The following ATXN1 variants were observed in gnomAD, a reference collection of about 807,000 sequenced individuals.
The protein encoded by ATXN1 is ataxin 1.
ATXN1 carries 8 observed loss-of-function variants against 56.4 expected under a neutral mutation model. That is an observed-to-expected ratio of 0.14 (90% CI 0.08 to 0.26). The LOEUF is 0.26. Ranked by LOEUF, ATXN1 falls within the 10% of genes least tolerant of loss-of-function variation. The pLI, the probability that ATXN1 is intolerant of heterozygous loss-of-function variation, is 1.00. For missense variants in ATXN1, 987 were observed against 1,106.5 expected (o/e 0.89, Z 1.53); for synonymous variants, 514 against 494.6 (o/e 1.04, Z -0.52).
At chr6:16,480,194 G>A (rs911446718) in intron 6 of ATXN1, among the ~76,000 whole-genome samples, 9 of 146,618 alleles carry the variant, frequency 6.1e-5, no homozygotes, top group African/African-American at 2.0e-4. Context: ...AAATGATCCT[G>A]AAGAAAATGG....
intron 4 of ATXN1, among the ~76,000 whole-genome samples, chr6:16,584,243 TACACACACACACACACACACACAC>T (rs368108414): frequency 4.1e-4 from 49 of 118,450 alleles, no homozygotes; most frequent in Middle Eastern, 3.8e-3. Context: ...TATATATATA[TACACACACACACACACACACACAC>T]ACACATATAC....
intron 5 of ATXN1, among the ~76,000 whole-genome samples, chr6:16,499,297 G>A (rs1399017041): frequency 6.6e-6 from 1 of 152,040 alleles, no homozygotes; most frequent in African/African-American, 2.4e-5. Context: ...AGTGATTTTA[G>A]TCTTTTCTCT....
intron 2 of ATXN1, among the ~76,000 whole-genome samples, chr6:16,689,521 C>CTTTTTTTTTTTTTTTTTTTT (rs11374047): frequency 1.1e-4 from 12 of 105,206 alleles, no homozygotes; most frequent in African/African-American, 1.9e-4. Flanking sequence ...TTTTTTTTTT[C>CTTTTTTTTTTTTTTTTTTTT]TTTTTTTTTT....
chr6:16,686,005 C>G lies in ATXN1; in HGVS notation c.-614-28104G>C, dbSNP rs201380517. Among the ~76,000 whole-genome samples the G allele has an allele frequency of 2.0e-5, 3 of 152,216 alleles. No homozygotes were observed. The East Asian group carries it at 5.8e-4, about 29-fold the overall frequency. On this transcript the variant is annotated intron_variant, in intron 2 of 7. Coordinates refer to ENST00000436367, the MANE Select transcript of ATXN1 (RefSeq NM_001128164.2). ...AAATATCTGACATTTAAAACAATAT[C>G]TTAATACCGAATATTCTTAATGAAA...
intron 1 of ATXN1, chr6:16,754,509 C>T (rs1056356809): frequency 3.9e-5 from 6 of 152,110 alleles, no homozygotes; most frequent in Admixed American, 1.3e-4. Context: ...CAACACATCT[C>T]GGTACTCATG....
chr6:16,465,422 A>G (rs1760085167), intron 6 of ATXN1, among the ~76,000 whole-genome samples: 1 of 152,192 alleles, frequency 6.6e-6, no homozygotes, highest in South Asian at 2.1e-4. Context: ...GTGCCACTGC[A>G]CTCCAGCCTG....
intron 3 of ATXN1, among the ~76,000 whole-genome samples, chr6:16,637,301 A>T (rs1245158742): frequency 6.9e-6 from 1 of 144,066 alleles, no homozygotes; most frequent in Non-Finnish European, 1.5e-5. Flanking sequence ...AACAATGAGA[A>T]CACTTGGTCA....
chr6:16,673,015 C>A (rs1434846564), intron 2 of ATXN1, among the ~76,000 whole-genome samples: 80 of 109,800 alleles, frequency 7.3e-4, no homozygotes, highest in African/African-American at 2.8e-3. Context: ...TCCGTTCCCC[C>A]CCGCCAAAAA....
At position 16,347,920 on chromosome 6, in the gene ATXN1, CTT is replaced by C. The variant is rs1237460047; in HGVS notation, c.-160-19452_-160-19451del. Among the ~76,000 whole-genome samples, 3 of 152,174 alleles carry C rather than the reference CTT, an allele frequency of 2.0e-5. 1 individual carries two copies. The highest frequency in any genetic ancestry group is 1.5e-5 in the Non-Finnish European group (1 of 68,028). On this transcript the variant is annotated intron_variant, in intron 6 of 7. Coordinates refer to ENST00000436367, the MANE Select transcript of ATXN1 (RefSeq NM_001128164.2). ...ATAAATCTTGCTGCTGCTGTTCACTCTTTGGATCTATACTGCCTGTATGAGCT... is the reference window on the plus strand; with the variant it reads ...ATAAATCTTGCTGCTGCTGTTCACTCTGGATCTATACTGCCTGTATGAGCT...
Position 16,326,949 on chromosome 6 carries a change from G to A in ATXN1, c.1362C>T (p.Tyr454=), listed in dbSNP as rs775283430. The A allele has an allele frequency of 9.9e-6, 16 of 1,614,158 alleles. No individual in the cohort carries two copies. The highest frequency in any genetic ancestry group is 1.3e-5 in the African/African-American group (1 of 75,056). Reference sequence around the variant, plus strand: ...CGATGACAGGGGGTTGAGTCCCTGCGTAGAAGGCCGTGGCTGGCAGTCCCA... The same window carrying A: ...CGATGACAGGGGGTTGAGTCCCTGCATAGAAGGCCGTGGCTGGCAGTCCCA... The part of the protein sequence containing the change: ...LPVGLPATAF[Y]AGTQPPVIGY... The change falls in exon 7 of 8, where the codon TAC becomes TAT. Residue 454 remains tyrosine, a synonymous_variant. Transcript: ENST00000436367. This position sits in a 1 kb window ranked among gnomAD's most constrained non-coding sequence, Gnocchi z 6.6.
At chr6:16,397,639 T>C (rs1758483348) in intron 6 of ATXN1, among the ~76,000 whole-genome samples, 1 of 152,202 alleles carries the variant, frequency 6.6e-6, no homozygotes, top group Non-Finnish European at 1.5e-5. Context: ...GTAGGAATAG[T>C]CAACTTTCCA....
Position 16,753,319 on chromosome 6 carries a change from C to T in ATXN1, c.-701G>A, listed in dbSNP as rs989749062. On this transcript the variant is annotated 5_prime_UTR_variant, in exon 2 of 8. Coordinates refer to ENST00000436367, the MANE Select transcript of ATXN1 (RefSeq NM_001128164.2). The stretch of plus-strand genomic sequence containing the variant: ...CAAACAAATCTGCAGCTTGAATGGA[C>T]CACCCTGGTGACTTGATGCACGATG... The T allele has an allele frequency of 6.6e-6, 3 of 456,752 alleles. No individual in the cohort carries two copies. Among genetic ancestry groups the T allele is most frequent in the African/African-American group, 6.0e-5 (3 of 50,038 alleles). 28.3% of individuals were successfully genotyped at this position (456,752 alleles called of 1,614,324 possible). A position where few individuals can be genotyped will look rare whatever the true frequency, so the allele number is the denominator to read the frequency against.
At chr6:16,391,106 G>A (rs1758345889) in intron 6 of ATXN1, among the ~76,000 whole-genome samples, 1 of 143,368 alleles carries the variant, frequency 7.0e-6, no homozygotes, top group Admixed American at 7.1e-5. Context: ...AGGTTGCAGT[G>A]AGCCGAGATT....
chr6:16,406,755 G>C (rs909939560), intron 6 of ATXN1, among the ~76,000 whole-genome samples: 1 of 152,138 alleles, frequency 6.6e-6, no homozygotes, highest in East Asian at 1.9e-4. Context: ...CATTTCACAA[G>C]TTACTTCCTC....
chr6:16,633,901 T>C (rs1293099462), intron 3 of ATXN1, among the ~76,000 whole-genome samples: 1 of 152,216 alleles, frequency 6.6e-6, no homozygotes, highest in Non-Finnish European at 1.5e-5. Context: ...TAGAAATATG[T>C]CTTTACACTC....
chr6:16,665,619 A>T (rs1355932873), intron 2 of ATXN1, among the ~76,000 whole-genome samples: 1 of 152,198 alleles, frequency 6.6e-6, no homozygotes, highest in Non-Finnish European at 1.5e-5. Context: ...TCCCTACTGG[A>T]AGTAAAAGCA....
At chr6:16,696,317 G>T (rs1246934268) in intron 2 of ATXN1, among the ~76,000 whole-genome samples, 1 of 152,202 alleles carries the variant, frequency 6.6e-6, no homozygotes, top group African/African-American at 2.4e-5. Context: ...AGAGGCTGTG[G>T]CATCGAGAAG....
intron 6 of ATXN1, among the ~76,000 whole-genome samples, chr6:16,360,593 C>T (rs1044420689): frequency 3.9e-5 from 6 of 152,148 alleles, no homozygotes; most frequent in Non-Finnish European, 8.8e-5. Context: ...AGAAGTAAGC[C>T]TCTTGGAAAA....
At chr6:16,650,402 C>G (rs1763873283) in intron 3 of ATXN1, among the ~76,000 whole-genome samples, 1 of 152,150 alleles carries the variant, frequency 6.6e-6, no homozygotes, top group South Asian at 2.1e-4. Flanking sequence ...TCACCATATT[C>G]ATTTGCTACC....
Sources: gnomAD v4.1 joint callset for allele counts (sites outside exome capture counted in the v4.1 genomes callset) on GRCh38, gnomAD v4.1.1 for gene constraint, Gnocchi (gnomAD v3.1) non-coding constraint, MANE v1.5 for transcripts, NCBI Gene and HGNC (gene_info 2026-07-23, HGNC 2026-07-21) for gene names.